Variants in RBFOX1 observed in about 807,000 individuals in gnomAD.
RBFOX1 encodes RNA binding protein fox-1 homolog 1.
Under a neutral mutation model 57.7 loss-of-function variants are expected in RBFOX1, and 8 were observed. The ratio of observed to expected loss-of-function variants is 0.14; its 90% confidence interval spans 0.08 to 0.25. The LOEUF is 0.25. Ranked by LOEUF, RBFOX1 falls within the 10% of genes least tolerant of loss-of-function variation. The pLI, the probability that RBFOX1 is intolerant of heterozygous loss-of-function variation, is 1.00. For missense variants in RBFOX1, 611 were observed against 548.5 expected (o/e 1.11, Z -1.14); for synonymous variants, 326 against 222.4 (o/e 1.47, Z -4.15).
chr16:6,953,043 T>C (rs1033350095), intron 3 of RBFOX1, among the ~76,000 whole-genome samples: 4 of 152,156 alleles, frequency 2.6e-5, no homozygotes, highest in Admixed American at 1.3e-4. Context: ...TATTAAGCAT[T>C]ATTATTTCTA....
intron 4 of RBFOX1, among the ~76,000 whole-genome samples, chr16:7,307,700 T>C (rs1417970196): frequency 6.6e-6 from 1 of 152,216 alleles, no homozygotes; most frequent in African/African-American, 2.4e-5. Context: ...TCAGACCCAG[T>C]GATGTACTCA....
intron 4 of RBFOX1, among the ~76,000 whole-genome samples, chr16:5,998,496 G>A (rs1202398698): frequency 6.6e-6 from 1 of 152,190 alleles, no homozygotes; most frequent in Admixed American, 6.5e-5. Flanking sequence ...CATTTCTAGG[G>A]CTAGGGTGTT....
intron 1 of RBFOX1, among the ~76,000 whole-genome samples, chr16:6,035,980 C>T (rs1441613018): frequency 6.6e-6 from 1 of 152,188 alleles, no homozygotes; most frequent in African/African-American, 2.4e-5. Flanking sequence ...GAAGAATACT[C>T]CTCTTTCCTG....
At chr16:5,658,919 A>G (rs1376620444) in intron 3 of RBFOX1, among the ~76,000 whole-genome samples, 8 of 151,232 alleles carry the variant, frequency 5.3e-5, no homozygotes, top group Admixed American at 5.3e-4. Flanking sequence ...CCACTCGTTA[A>G]TTGATGGACA....
intron 3 of RBFOX1, among the ~76,000 whole-genome samples, chr16:6,947,315 G>T (rs2079744271): frequency 6.6e-6 from 1 of 152,162 alleles, no homozygotes; most frequent in African/African-American, 2.4e-5. Context: ...GGTAGGGTGT[G>T]ATTTAACAGT....
intron 1 of RBFOX1, among the ~76,000 whole-genome samples, chr16:5,312,098 G>A (rs947743526): frequency 1.3e-5 from 2 of 152,126 alleles, no homozygotes; most frequent in Non-Finnish European, 2.9e-5. Context: ...GCAAAGGGTC[G>A]GTTTGCTATT....
intron 2 of RBFOX1, among the ~76,000 whole-genome samples, chr16:6,535,158 C>G (rs1468423442): frequency 6.6e-6 from 1 of 152,268 alleles, no homozygotes; most frequent in Non-Finnish European, 1.5e-5. Context: ...GCTGGTTTGT[C>G]TGGGACTTTT....
chr16:7,256,873 G>A (rs2094707755), intron 4 of RBFOX1, among the ~76,000 whole-genome samples: 1 of 151,980 alleles, frequency 6.6e-6, no homozygotes. Context: ...TCCCCACTAG[G>A]GCATCTGAAA....
At chr16:7,587,725 T>G (rs2094203962) in intron 7 of RBFOX1, among the ~76,000 whole-genome samples, 1 of 152,226 alleles carries the variant, frequency 6.6e-6, no homozygotes, top group Non-Finnish European at 1.5e-5. Flanking sequence ...CACCAACCTT[T>G]TGAATGTAAT....
intron 3 of RBFOX1, among the ~76,000 whole-genome samples, chr16:6,949,008 C>G (rs1048544776): frequency 6.6e-6 from 1 of 151,828 alleles, no homozygotes; most frequent in East Asian, 1.9e-4. Context: ...AAGGGATTCT[C>G]GATTAAGAAA....
chr16:6,837,830 C>CCACTT (rs1003361635), intron 3 of RBFOX1, among the ~76,000 whole-genome samples: 1 of 152,076 alleles, frequency 6.6e-6, no homozygotes, highest in Non-Finnish European at 1.5e-5. Flanking sequence ...ACTTGGGACT[C>CCACTT]CACTTCAGAC....
At chr16:6,716,337 C>G (rs1032937592) in intron 3 of RBFOX1, among the ~76,000 whole-genome samples, 1 of 152,180 alleles carries the variant, frequency 6.6e-6, no homozygotes, top group African/African-American at 2.4e-5. Flanking sequence ...ATGACCTTCC[C>G]TCTTGCTCCC....
intron 1 of RBFOX1, among the ~76,000 whole-genome samples, chr16:6,110,671 T>A: frequency 6.6e-6 from 1 of 151,946 alleles, no homozygotes; most frequent in African/African-American, 2.4e-5. Context: ...AACGGAGGAG[T>A]TGAATATCAT....
chr16:6,459,766 T>A (rs11077040), intron 2 of RBFOX1, among the ~76,000 whole-genome samples: 2 of 151,432 alleles, frequency 1.3e-5, no homozygotes, highest in Non-Finnish European at 2.9e-5. Flanking sequence ...CACCTGAGAT[T>A]GGGAGTTTGA....
chr16:6,190,696 A>G lies in RBFOX1; in HGVS notation c.-126-126299A>G, dbSNP rs955008478. On this transcript the variant is annotated intron_variant, in intron 1 of 15. Coordinates refer to ENST00000550418, the MANE Select transcript of RBFOX1 (RefSeq NM_018723.4). ...CCCTCTCAGAGATGCCACTTGACTT[A>G]GTCTCTGTTGGTCCCACCCTTAAAA... 1.1e-4 allele frequency among the ~76,000 whole-genome samples: 17 copies of G among 152,300 alleles called. 1 individual carries two copies. The South Asian group carries it at 2.1e-3, about 19-fold the overall frequency.
intron 4 of RBFOX1, among the ~76,000 whole-genome samples, chr16:7,454,119 G>C (rs543926015): frequency 6.6e-6 from 1 of 152,214 alleles, no homozygotes; most frequent in South Asian, 2.1e-4. Context: ...TGTAATCCCA[G>C]CTACTCAGGA....
At chr16:7,116,824 A>G (rs1252837131) in intron 4 of RBFOX1, among the ~76,000 whole-genome samples, 2 of 152,178 alleles carry the variant, frequency 1.3e-5, no homozygotes, top group East Asian at 1.9e-4. Context: ...CAGCACACAC[A>G]GGACACAGAC....
intron 2 of RBFOX1, among the ~76,000 whole-genome samples, chr16:5,476,357 C>T (rs1029186024): frequency 1.3e-5 from 2 of 152,162 alleles, no homozygotes; most frequent in Non-Finnish European, 1.5e-5. Context: ...TTATATGCTC[C>T]AAACTGGAGA....
chr16:6,314,381 A>G (rs1363190808), intron 1 of RBFOX1, among the ~76,000 whole-genome samples: 1 of 152,160 alleles, frequency 6.6e-6, no homozygotes, highest in African/African-American at 2.4e-5. Flanking sequence ...TCTGCTTCTG[A>G]TAGAAGAATA....
Sources: gnomAD v4.1 joint callset for allele counts (sites outside exome capture counted in the v4.1 genomes callset) on GRCh38, gnomAD v4.1.1 for gene constraint, MANE v1.5 for transcripts, NCBI Gene and HGNC (gene_info 2026-07-23, HGNC 2026-07-21) for gene names.